PRDM5: variants seen among roughly 807,000 people sequenced by gnomAD.
The protein encoded by PRDM5 is PR/SET domain 5, also known as PR domain zinc finger protein 5.
A neutral mutation model predicts 81.2 loss-of-function variants in PRDM5; 56 were observed. The observed-to-expected ratio is 0.69, with a 90% confidence interval of 0.56 to 0.86. The LOEUF (loss-of-function observed/expected upper bound fraction) is 0.86. Among genes scored for constraint, PRDM5 ranks in the 40% least tolerant of loss-of-function variants. PRDM5 has a pLI of 0.00. For missense variants in PRDM5, 697 were observed against 770.1 expected, an observed-to-expected ratio of 0.91 and a Z score of 1.12; for synonymous variants, 267 against 256.4, an observed-to-expected ratio of 1.04 and a Z score of -0.39.
chr4:120,884,916 C>T (rs1041834048), intron 2 of PRDM5, among the ~76,000 whole-genome samples: 5 of 151,760 alleles, frequency 3.3e-5, no homozygotes, highest in Non-Finnish European at 7.4e-5. Flanking sequence ...GTAATCCCAG[C>T]GAGTCGGGTG....
intron 8 of PRDM5, among the ~76,000 whole-genome samples, chr4:120,803,811 C>G (rs1426610532): frequency 1.3e-5 from 2 of 152,118 alleles, no homozygotes; most frequent in East Asian, 3.9e-4. Context: ...AGCAAAATAG[C>G]AAGCTAACAT....
intron 5 of PRDM5, among the ~76,000 whole-genome samples, chr4:120,817,480 G>C (rs939058605): frequency 1.3e-5 from 2 of 151,694 alleles, no homozygotes; most frequent in Non-Finnish European, 2.9e-5. Context: ...AGCTAAGGTT[G>C]GAGAAAGAAA....
chr4:120,900,715 T>C (rs564893073), intron 2 of PRDM5, among the ~76,000 whole-genome samples: 1 of 152,300 alleles, frequency 6.6e-6, no homozygotes, highest in South Asian at 2.1e-4. Flanking sequence ...TTTGAAATAA[T>C]AATTTGCTAT....
intron 15 of PRDM5, 111 bp downstream of exon 15, chr4:120,710,198 A>G: frequency 1.1e-6 from 1 of 913,370 alleles, no homozygotes; most frequent in Non-Finnish European, 1.8e-6. Context: ...GGCACATTCC[A>G]GCAATGCAAC....
At chr4:120,875,401 T>C (rs1025537836) in intron 2 of PRDM5, among the ~76,000 whole-genome samples, 2 of 152,198 alleles carry the variant, frequency 1.3e-5, no homozygotes. Context: ...GTTGAATTAG[T>C]GTACAGGAGG....
chr4:120,747,437 T>TA (rs920640286), intron 14 of PRDM5, among the ~76,000 whole-genome samples: 2 of 151,684 alleles, frequency 1.3e-5, no homozygotes, highest in African/African-American at 4.8e-5. Flanking sequence ...AGTATAATAA[T>TA]AAAAAAATAA....
At chr4:120,824,928 T>C (rs1755765399) in intron 3 of PRDM5, among the ~76,000 whole-genome samples, 2 of 152,214 alleles carry the variant, frequency 1.3e-5, no homozygotes, top group Non-Finnish European at 2.9e-5. Flanking sequence ...AGTCATCTTC[T>C]GCTCCTCTAC....
At chr4:120,838,041 G>A (rs190499578) in intron 3 of PRDM5, 1 of 152,170 alleles carries the variant, frequency 6.6e-6, no homozygotes, top group Admixed American at 6.5e-5. Context: ...TAATAAGACA[G>A]TATGTATAGT....
chr4:120,695,063 T>C lies in PRDM5; in HGVS notation c.*48A>G. ...CTGATCAGGTGATAAAAATCTGGGA[T>C]TCATATTAGGAGCCCTTCTGAATAG... On this transcript the variant is annotated 3_prime_UTR_variant, in exon 16 of 16. Coordinates refer to ENST00000264808, the MANE Select transcript of PRDM5 (RefSeq NM_018699.4). The C allele has an allele frequency of 6.3e-7, 1 of 1,579,538 alleles. No homozygotes were observed. The highest frequency in any genetic ancestry group is 1.1e-5 in the South Asian group (1 of 90,184).
At chr4:120,816,670 G>A in intron 6 of PRDM5, 96 bp from the exon 7 acceptor site, 6 of 1,577,384 alleles carry the variant, frequency 3.8e-6, no homozygotes, top group Non-Finnish European at 3.5e-6. Context: ...ATGCTCCCTA[G>A]TAGAGTTTCG....
At chr4:120,695,411 C>A (rs1191479798) in intron 15 of PRDM5, 136 bp from the exon 16 acceptor site, 1 of 955,562 alleles carries the variant, frequency 1.0e-6, no homozygotes, top group Non-Finnish European at 1.6e-6. Context: ...CCCGAGTCAC[C>A]CTTCCCTTTT....
At chr4:120,823,748 T>A (rs1296537553) in intron 3 of PRDM5, among the ~76,000 whole-genome samples, 1 of 152,228 alleles carries the variant, frequency 6.6e-6, no homozygotes, top group Non-Finnish European at 1.5e-5. Flanking sequence ...CCTAATCTCA[T>A]GCCCTTTGGC....
At chr4:120,808,947 C>A in intron 8 of PRDM5, among the ~76,000 whole-genome samples, 1 of 152,214 alleles carries the variant, frequency 6.6e-6, no homozygotes, top group East Asian at 1.9e-4. Flanking sequence ...CTGGCCCTCT[C>A]CCTCCACACC....
intron 10 of PRDM5, among the ~76,000 whole-genome samples, 155 bp downstream of exon 10, chr4:120,798,112 A>C (rs989723291): frequency 6.6e-6 from 1 of 152,156 alleles, no homozygotes; most frequent in African/African-American, 2.4e-5. Flanking sequence ...GACAGGAAGG[A>C]GGCTGTGAGG....
chr4:120,815,556 T>C (rs1297472506), intron 7 of PRDM5, among the ~76,000 whole-genome samples: 1 of 152,204 alleles, frequency 6.6e-6, no homozygotes, highest in African/African-American at 2.4e-5. Context: ...AAATACAGGA[T>C]ACAGATGCTG....
intron 13 of PRDM5, among the ~76,000 whole-genome samples, chr4:120,764,972 G>A (rs189008763): frequency 5.3e-5 from 8 of 151,776 alleles, no homozygotes; most frequent in South Asian, 4.2e-4. Context: ...TTACATTTTC[G>A]TTTGTGTTTA....
At chr4:120,898,263 A>C (rs1764870267) in intron 2 of PRDM5, among the ~76,000 whole-genome samples, 1 of 152,184 alleles carries the variant, frequency 6.6e-6, no homozygotes, top group African/African-American at 2.4e-5. Flanking sequence ...CCTCAGCAAG[A>C]TGAGACCACA....
At chr4:120,807,688 A>T (rs903631972) in intron 8 of PRDM5, among the ~76,000 whole-genome samples, 1 of 152,218 alleles carries the variant, frequency 6.6e-6, no homozygotes, top group African/African-American at 2.4e-5. Context: ...CAGTTCTTAA[A>T]GGCGGTGTGT....
rs1560962223 is a variant in PRDM5 at position 120,718,636 on chromosome 4, A to G, written c.1624-8223T>C. 2.6e-5 allele frequency among the ~76,000 whole-genome samples: 4 copies of G among 152,230 alleles called. No homozygotes were observed. In the South Asian group the frequency reaches 8.3e-4, roughly 31 times the overall value. ...ATTTTAGAGAAGTTTGCCTTAACAAAAATGTTAAAAACAAAGGTTCAGCTG... is the reference window on the plus strand; with the variant it reads ...ATTTTAGAGAAGTTTGCCTTAACAAGAATGTTAAAAACAAAGGTTCAGCTG... On this transcript the variant is annotated intron_variant, in intron 14 of 15. Transcript: ENST00000264808.
Sources: gnomAD v4.1 joint callset for allele counts (sites outside exome capture counted in the v4.1 genomes callset) on GRCh38, gnomAD v4.1.1 for gene constraint, MANE v1.5 for transcripts, NCBI Gene and HGNC (gene_info 2026-07-23, HGNC 2026-07-21) for gene names.